Variants in MGAT4A observed in about 807,000 individuals in gnomAD.
MGAT4A encodes alpha-1,3-mannosyl-glycoprotein 4-beta-N-acetylglucosaminyltransferase A, also known as N-acetylglucosaminyltransferase IVa.
A neutral mutation model predicts 74.1 loss-of-function variants in MGAT4A; 33 were observed. The ratio of observed to expected loss-of-function variants is 0.45; its 90% CI spans 0.34 to 0.60. The LOEUF (loss-of-function observed/expected upper bound fraction) is 0.60, where lower values mean the gene tolerates loss of function less well. Among genes scored for constraint, MGAT4A ranks in the 20% least tolerant of loss-of-function variants. MGAT4A has a pLI of 0.02. For synonymous variants in MGAT4A, 198 were observed against 210.4 expected, an observed-to-expected ratio of 0.94 and a Z score of 0.51; for missense variants, 479 against 628.3, an observed-to-expected ratio of 0.76 and a Z score of 2.54.
chr2:98,721,242 C>T (rs953405002), intron 2 of MGAT4A, among the ~76,000 whole-genome samples: 1 of 152,110 alleles, frequency 6.6e-6, no homozygotes, highest in African/African-American at 2.4e-5. Context: ...TAAACAAAAA[C>T]TGAGGGAATT....
At chr2:98,679,642 A>G (rs1476321729) in intron 2 of MGAT4A, among the ~76,000 whole-genome samples, 1 of 152,182 alleles carries the variant, frequency 6.6e-6, no homozygotes, top group East Asian at 1.9e-4. Flanking sequence ...AAAAAACAGT[A>G]GAATAAAAAT....
chr2:98,658,731 T>G (rs1291202671), intron 5 of MGAT4A, among the ~76,000 whole-genome samples: 2 of 152,220 alleles, frequency 1.3e-5, no homozygotes, highest in Admixed American at 1.3e-4. Context: ...ATTATGAGAT[T>G]AAATGATAAA....
chr2:98,645,612 G>A, intron 8 of MGAT4A, 70 bp from the exon 9 acceptor site: 3 of 1,093,068 alleles, frequency 2.7e-6, no homozygotes, highest in Non-Finnish European at 3.7e-6. Flanking sequence ...ATATTATTAT[G>A]GAAAAATACA....
At chr2:98,691,233 C>T (rs1020728414) in intron 2 of MGAT4A, among the ~76,000 whole-genome samples, 6 of 152,048 alleles carry the variant, frequency 3.9e-5, no homozygotes, top group African/African-American at 7.2e-5. Context: ...GCAAGAGGAT[C>T]GCTTGAGGCC....
chr2:98,628,108 G>C (rs1049373744), intron 14 of MGAT4A, among the ~76,000 whole-genome samples: 3 of 151,848 alleles, frequency 2.0e-5, no homozygotes, highest in Non-Finnish European at 4.4e-5. Context: ...TTCTACTTCA[G>C]GTTGTACTGA....
At chr2:98,636,664 C>A in intron 12 of MGAT4A, 69 bp from the exon 13 acceptor site, 1 of 1,374,748 alleles carries the variant, frequency 7.3e-7, no homozygotes, top group South Asian at 1.2e-5. Flanking sequence ...AGAAAATGAC[C>A]TTACCTCAGA....
At chr2:98,719,534 T>C (rs1017908399) in intron 2 of MGAT4A, among the ~76,000 whole-genome samples, 6 of 151,914 alleles carry the variant, frequency 3.9e-5, no homozygotes, top group African/African-American at 1.2e-4. Context: ...AATTATGAGA[T>C]GTGCAAAGAA....
intron 4 of MGAT4A, among the ~76,000 whole-genome samples, chr2:98,667,111 G>A (rs1204086049): frequency 3.9e-5 from 2 of 50,924 alleles, no homozygotes; most frequent in South Asian, 4.9e-4. Context: ...TCTGCCTGCT[G>A]CCATCCACAT....
At position 98,621,533 on chromosome 2, in the gene MGAT4A, A is replaced by G. The variant is rs992430402; in HGVS notation, c.*4033T>C. 3.9e-6 allele frequency: 6 copies of G among 1,551,430 alleles called. No individual in the cohort carries two copies. In the African/African-American group the frequency reaches 8.2e-5, roughly 21 times the overall value. ...TTTAAAGGAGTCACAAGATTTGATTAGCCACCCCCAGACAGTCTTCCTTTT... is the reference window on the plus strand; with the variant it reads ...TTTAAAGGAGTCACAAGATTTGATTGGCCACCCCCAGACAGTCTTCCTTTT... On this transcript the variant is annotated 3_prime_UTR_variant, in exon 16 of 16. Coordinates refer to ENST00000393487, the MANE Select transcript of MGAT4A (RefSeq NM_012214.3).
intron 3 of MGAT4A, among the ~76,000 whole-genome samples, 156 bp from the exon 4 acceptor site, chr2:98,675,331 G>A (rs1273058949): frequency 1.3e-5 from 2 of 152,108 alleles, no homozygotes; most frequent in Non-Finnish European, 2.9e-5. Context: ...AAGATGAAAA[G>A]GACACTTTCA....
chr2:98,638,650 T>C (rs150747823), intron 12 of MGAT4A, among the ~76,000 whole-genome samples: 87 of 152,388 alleles, frequency 5.7e-4, no homozygotes, highest in Middle Eastern at 6.8e-3. Flanking sequence ...TAAATGCTCA[T>C]GCAAGTGCAA....
intron 2 of MGAT4A, among the ~76,000 whole-genome samples, chr2:98,716,848 A>AC (rs1702599698): frequency 6.6e-6 from 1 of 152,180 alleles, no homozygotes; most frequent in African/African-American, 2.4e-5. Context: ...AATATCTAAT[A>AC]CAATGTAAAT....
intron 2 of MGAT4A, among the ~76,000 whole-genome samples, chr2:98,705,872 G>A (rs1395798224): frequency 1.3e-5 from 2 of 151,294 alleles, no homozygotes; most frequent in South Asian, 4.2e-4. Flanking sequence ...AACCCGGGAA[G>A]CGGAGCTTGC....
intron 5 of MGAT4A, among the ~76,000 whole-genome samples, chr2:98,658,816 TTCAA>T (rs1345528468): frequency 4.6e-5 from 7 of 152,230 alleles, no homozygotes; most frequent in Non-Finnish European, 1.0e-4. Flanking sequence ...TCAAGAGCAC[TTCAA>T]TCAGTTAGAA....
chr2:98,651,369 T>C (rs1701576111), intron 8 of MGAT4A, among the ~76,000 whole-genome samples: 1 of 152,148 alleles, frequency 6.6e-6, no homozygotes, highest in Admixed American at 6.5e-5. Context: ...GCACAAACAA[T>C]AATTATAAAT....
At chr2:98,721,236 C>A (rs1702665929) in intron 2 of MGAT4A, among the ~76,000 whole-genome samples, 1 of 152,086 alleles carries the variant, frequency 6.6e-6, no homozygotes, top group Non-Finnish European at 1.5e-5. Context: ...CCTAAATAAA[C>A]AAAAACTGAG....
chr2:98,658,297 G>C, intron 5 of MGAT4A, 33 bp from the exon 6 acceptor site: 1 of 1,343,912 alleles, frequency 7.4e-7, no homozygotes, highest in Non-Finnish European at 1.0e-6. Flanking sequence ...CTATATTCAA[G>C]TTTTTATATT....
rs546343887 is a variant in MGAT4A, at chr2:98,683,147, T to A, written c.95-4676A>T. ...GCTTCCACTTTAAGACGTGTCAAGG[T>A]CATCAAAGACAAAGGCTGAGGAAAC... On this transcript the variant is annotated intron_variant, in intron 2 of 15. Coordinates refer to ENST00000393487, the MANE Select transcript of MGAT4A (RefSeq NM_012214.3). 4.7e-5 allele frequency among the ~76,000 whole-genome samples: 7 copies of A among 150,354 alleles called. No individual in the cohort carries two copies. The East Asian group carries it at 1.4e-3, about 29-fold the overall frequency.
At chr2:98,705,948 C>CAAAAAA (rs35710005) in intron 2 of MGAT4A, among the ~76,000 whole-genome samples, 3 of 47,432 alleles carry the variant, frequency 6.3e-5, no homozygotes, top group Admixed American at 2.1e-4. Flanking sequence ...GACTCCGTCT[C>CAAAAAA]AAAAAAAAAA....
Sources: allele counts gnomAD v4.1 joint callset (sites outside exome capture counted in the v4.1 genomes callset), GRCh38; gene constraint gnomAD v4.1.1; transcripts MANE v1.5; gene names NCBI Gene and HGNC (gene_info 2026-07-23, HGNC 2026-07-21).